ZSCAN18: variants seen among roughly 807,000 people sequenced by gnomAD.
ZSCAN18 encodes the protein zinc finger and SCAN domain containing 18.
A neutral mutation model predicts 31.1 loss-of-function variants in ZSCAN18; 16 were observed. The observed-to-expected ratio is 0.51, with a 90% CI of 0.35 to 0.78. The LOEUF (loss-of-function observed/expected upper bound fraction) is 0.78. Ranked by LOEUF, ZSCAN18 falls within the 30% of genes least tolerant of loss-of-function variation. The pLI, the probability that ZSCAN18 is intolerant of heterozygous loss-of-function variation, is 0.01. For missense variants in ZSCAN18, 731 were observed against 697.4 expected (o/e 1.05, Z -0.54); for synonymous variants, 375 against 320.7 (o/e 1.17, Z -1.81).
upstream of ZSCAN18, among the ~76,000 whole-genome samples, chr19:58,099,607 C>G (rs2074575300): frequency 6.6e-6 from 1 of 152,096 alleles, no homozygotes; most frequent in Non-Finnish European, 1.5e-5. Flanking sequence ...GATAAAAGCC[C>G]AAGAGTGCAG....
chr19:58,100,907 T>C (rs2074588047), upstream of ZSCAN18, among the ~76,000 whole-genome samples: 1 of 152,110 alleles, frequency 6.6e-6, no homozygotes, highest in Admixed American at 6.6e-5. Context: ...AATGTAGGTT[T>C]TATTACACCA....
chr19:58,102,432 G>A (rs2074602729), upstream of ZSCAN18, among the ~76,000 whole-genome samples: 1 of 152,066 alleles, frequency 6.6e-6, no homozygotes, highest in African/African-American at 2.4e-5. Context: ...CTGCACTCCA[G>A]CCTGGGCGAC....
chr19:58,109,074 C>G, intron 1 of ZSCAN18: 1 of 1,226,362 alleles, frequency 8.2e-7, no homozygotes, highest in Non-Finnish European at 1.0e-6. Flanking sequence ...TCATGGTGAC[C>G]ACAGCCCCTC....
At chr19:58,101,299 A>ATTTTTT (rs71188078), upstream of ZSCAN18, among the ~76,000 whole-genome samples, 29 of 108,346 alleles carry the variant, frequency 2.7e-4, no homozygotes, top group East Asian at 1.1e-3. Flanking sequence ...TGCCCAGCTA[A>ATTTTTT]TTTTTTTTTT....
chr19:58,092,771 CTTTT>C (rs925285750), intron 1 of ZSCAN18: 347 of 760,608 alleles, frequency 4.6e-4, no homozygotes, highest in Middle Eastern at 6.5e-4. Flanking sequence ...GATACCTCTA[CTTTT>C]TTTTTTTTTT....
intron 1 of ZSCAN18, among the ~76,000 whole-genome samples, chr19:58,094,090 C>A (rs1431709222): frequency 6.6e-6 from 1 of 151,852 alleles, no homozygotes; most frequent in Non-Finnish European, 1.5e-5. Context: ...AATTGGACTT[C>A]GGAGTTCAGA....
chr19:58,094,418 A>AG (rs1427223880), intron 1 of ZSCAN18, among the ~76,000 whole-genome samples: 3 of 145,238 alleles, frequency 2.1e-5, no homozygotes, highest in Non-Finnish European at 4.7e-5. Context: ...CTCAAAAAAA[A>AG]AAAAAAGAAA....
chr19:58,105,150 A>G (rs941604345), intron 1 of ZSCAN18, among the ~76,000 whole-genome samples: 1 of 152,350 alleles, frequency 6.6e-6, no homozygotes, highest in Non-Finnish European at 1.5e-5. Flanking sequence ...CCTGGATGAC[A>G]GTACGTGTTT....
At chr19:58,118,172 T>C in intron 1 of ZSCAN18, 1 of 557,476 alleles carries the variant, frequency 1.8e-6, no homozygotes, top group Non-Finnish European at 2.9e-6. Flanking sequence ...AACAAGCCCC[T>C]GCCCAGAGCA....
At chr19:58,114,745 G>A (rs2052735) in intron 1 of ZSCAN18, among the ~76,000 whole-genome samples, 112,019 of 152,002 alleles carry the variant, frequency 0.74, 42,519 homozygotes, top group Non-Finnish European at 0.85. Context: ...GGTGAATCTC[G>A]GAGTGGGTGA....
In ZSCAN18 at chr19:58,103,934, G is replaced by A. The variant is rs79280316; in HGVS notation, c.131-13548C>T. ...GACAAGAAACTGAAACAGCCTTGTC[G>A]CCAATAGGGAGAAAGCTTTAATGGT... On this transcript the variant is annotated intron_variant, in intron 1 of 1. Coordinates refer to the ZSCAN18 transcript ENST00000595721. Among the ~76,000 whole-genome samples the A allele has an allele frequency of 3.9e-3, 587 of 152,280 alleles. 5 individuals are homozygous for A. The highest frequency in any genetic ancestry group is 0.013 in the African/African-American group (550 of 41,560).
In ZSCAN18 at chr19:58,085,225, C is replaced by G; in HGVS notation, c.993G>C (p.Lys331Asn). 1 of 1,608,058 alleles carries G rather than the reference C, an allele frequency of 6.2e-7. No homozygotes were observed. The highest frequency in any genetic ancestry group is 8.5e-7 in the Non-Finnish European group (1 of 1,179,196). The change falls in exon 7 of 7, where the codon AAG (lysine) becomes AAC (asparagine). Residue 331 changes from lysine (K) to asparagine (N), a missense_variant. This residue lies in a region of ZSCAN18 where 597 missense variants were observed against 499.5 expected (regional missense o/e 1.20). Transcript: ENST00000601144. ...CCTGGGGGTCCTGCGGGTCCGGGGCCTTCCCAGGCTGCTCTTCCTCCTCCT... is the reference window on the plus strand; with the variant it reads ...CCTGGGGGTCCTGCGGGTCCGGGGCGTTCCCAGGCTGCTCTTCCTCCTCCT... ...TTEEEEEQPGKAPDPQDPQDA... is the reference protein window; with the variant it reads ...TTEEEEEQPGNAPDPQDPQDA...
chr19:58,113,909 C>G (rs909462006), intron 1 of ZSCAN18, among the ~76,000 whole-genome samples: 1 of 151,726 alleles, frequency 6.6e-6, no homozygotes, highest in Admixed American at 6.6e-5. Context: ...ACCCAGGAGG[C>G]AGAGGTTGCC....
intron 1 of ZSCAN18, chr19:58,118,131 G>A: frequency 9.4e-6 from 4 of 423,486 alleles, no homozygotes; most frequent in Admixed American, 4.5e-5. Flanking sequence ...CCTCACGCCC[G>A]CCCCGCCGGG....
At chr19:58,085,404 G>A (rs2145964334) in intron 6 of ZSCAN18, 25 bp from the exon 7 acceptor site, 1 of 1,550,864 alleles carries the variant, frequency 6.4e-7, no homozygotes, top group Non-Finnish European at 8.6e-7. Context: ...GAGCCCTAGC[G>A]TGAGCGCCCC....
chr19:58,095,242 C>T (rs568445511), intron 1 of ZSCAN18, among the ~76,000 whole-genome samples: 4 of 152,268 alleles, frequency 2.6e-5, no homozygotes, highest in Admixed American at 6.5e-5. Flanking sequence ...TTTCTTAGGA[C>T]GCCAGAGGCT....
intron 6 of ZSCAN18, chr19:58,085,964 A>G (rs1430391105): frequency 1.8e-6 from 1 of 564,002 alleles, no homozygotes; most frequent in Admixed American, 3.1e-5. Flanking sequence ...TGCCGTTTCC[A>G]CCGACCAAGT....
upstream of ZSCAN18, among the ~76,000 whole-genome samples, chr19:58,100,159 T>C (rs115423477): frequency 5.0e-3 from 755 of 152,040 alleles, 8 homozygotes; most frequent in African/African-American, 0.017. Context: ...CTCACTATAA[T>C]GCTAAGGCTG....
chr19:58,108,007 C>T lies in ZSCAN18; in HGVS notation c.130+10260G>A, dbSNP rs2074649529. 3 of 1,028,566 alleles carry T rather than the reference C, an allele frequency of 2.9e-6. No homozygotes were observed. The Admixed American group carries it at 1.7e-4, about 57-fold the overall frequency. 63.7% of individuals were successfully genotyped at this position (1,028,566 alleles called of 1,614,324 possible). On this transcript the variant is annotated intron_variant, in intron 1 of 1. Coordinates refer to the ZSCAN18 transcript ENST00000595721. ...AAAAGTTTGACACTGGTTACAGCCA[C>T]AGACCTTCTCACCAGTATGAATCCT...
Sources: allele counts gnomAD v4.1 joint callset (sites outside exome capture counted in the v4.1 genomes callset), GRCh38; gene constraint gnomAD v4.1.1; regional missense constraint gnomAD v4.1.1; transcripts MANE v1.5; gene names NCBI Gene and HGNC (gene_info 2026-07-23, HGNC 2026-07-21).